Variants in HEATR3 observed in about 807,000 individuals in gnomAD.
HEATR3 encodes the protein HEAT repeat-containing protein 3.
HEATR3 carries 56 observed loss-of-function variants against 72.8 expected under a neutral mutation model. The observed-to-expected ratio is 0.77, with a 90% CI of 0.62 to 0.96. The LOEUF (loss-of-function observed/expected upper bound fraction) is 0.96, where lower values mean the gene tolerates loss of function less well. HEATR3 is among the 40% of genes least tolerant of loss of function. HEATR3 has a pLI of 0.00. For synonymous variants in HEATR3, 331 were observed against 318.1 expected (o/e 1.04, Z -0.43); for missense variants, 747 against 831.4 (o/e 0.90, Z 1.25).
rs1162679409 is a variant in HEATR3, at chr16:50,106,260, G to A, written c.*1199G>A. On this transcript the variant is annotated 3_prime_UTR_variant, in exon 15 of 15. Coordinates refer to ENST00000299192, the MANE Select transcript of HEATR3 (RefSeq NM_182922.4). Reference sequence around the variant, plus strand: ...ACTAGATTATACTAATGAGCTAATGGGGTCATTGCCATCCTCCCTACTCAT... The same window carrying A: ...ACTAGATTATACTAATGAGCTAATGAGGTCATTGCCATCCTCCCTACTCAT... 2.0e-5 allele frequency: 3 copies of A among 152,004 alleles called. No homozygotes were observed. The highest frequency in any genetic ancestry group is 4.4e-5 in the Non-Finnish European group (3 of 68,026). 9.4% of individuals were successfully genotyped at this position (152,004 alleles called of 1,614,324 possible).
At chr16:50,104,812 T>C in intron 14 of HEATR3, 127 bp from the exon 15 acceptor site, 1 of 783,640 alleles carries the variant, frequency 1.3e-6, no homozygotes, top group East Asian at 3.1e-5. Context: ...AGTAAAAACA[T>C]TTTTTCCAAA....
Position 50,066,091 on chromosome 16 carries a change from C to T in HEATR3, c.-41C>T, listed in dbSNP as rs1300487844. 5 of 1,555,662 alleles carry T rather than the reference C, an allele frequency of 3.2e-6. No homozygotes were observed. Among genetic ancestry groups the T allele is most frequent in the East Asian group, 2.4e-5 (1 of 42,242 alleles). ...CGGCAGCCTCCACCGCCTGCTGTTG[C>T]CCTCCTCTCTCGGTGGTCTGTCCGC... On this transcript the variant is annotated 5_prime_UTR_variant, in exon 1 of 15. Coordinates refer to ENST00000299192, the MANE Select transcript of HEATR3 (RefSeq NM_182922.4).
rs2036492688 is a variant in HEATR3 at position 50,066,353 on chromosome 16, GCT to G, written c.139-10_139-9del. 1.3e-6 allele frequency: 2 copies of G among 1,554,462 alleles called. No homozygotes were observed. Among genetic ancestry groups the G allele is most frequent in the Non-Finnish European group, 1.7e-6 (2 of 1,160,750 alleles). Reference sequence around the variant, plus strand: ...CATTGCGCGCCTTCTGACCCTTTTCGCTCTCATCCGCAGCTCCAGCACCCGAG... The same window carrying G: ...CATTGCGCGCCTTCTGACCCTTTTCGCTCATCCGCAGCTCCAGCACCCGAG... On this transcript the variant is annotated splice_polypyrimidine_tract_variant and intron_variant, in intron 1 of 14. Transcript: ENST00000299192.
At chr16:50,076,540 C>T (rs1410027314) in intron 6 of HEATR3, among the ~76,000 whole-genome samples, 4 of 151,472 alleles carry the variant, frequency 2.6e-5, no homozygotes, top group South Asian at 2.1e-4. Flanking sequence ...CCGTCTTAAT[C>T]GTTTTGGGTT....
Position 50,066,416 on chromosome 16 carries a change from C to G in HEATR3, c.188C>G (p.Ala63Gly). Residue 63 changes from alanine (A) to glycine (G), a missense_variant, in exon 2 of 15, where the codon GCC becomes GGC. Ala to Gly is a moderately conservative substitution (Grantham distance 60). This residue lies in a region of HEATR3 where 161 missense variants were observed against 122.6 expected (regional missense o/e 1.31). Transcript: ENST00000299192. ...CGCGAGTGCGCCTGCGCAGGGCTGGCCCGGCTGGTGCAGCAGCGGCCGGCA... is the reference window on the plus strand; with the variant it reads ...CGCGAGTGCGCCTGCGCAGGGCTGGGCCGGCTGGTGCAGCAGCGGCCGGCA... ...EVRECACAGL[A>G]RLVQQRPALP... 6.6e-7 allele frequency: 1 copy of G among 1,519,298 alleles called. No individual in the cohort carries two copies. 94.1% of individuals were successfully genotyped at this position (1,519,298 alleles called of 1,614,324 possible). A position where few individuals can be genotyped will look rare whatever the true frequency, so the allele number is the denominator to read the frequency against.
intron 4 of HEATR3, among the ~76,000 whole-genome samples, chr16:50,071,276 T>C (rs1209818062): frequency 6.6e-6 from 1 of 152,222 alleles, no homozygotes; most frequent in African/African-American, 2.4e-5. Context: ...AAAGCACAGA[T>C]GTTTCTTAGA....
At chr16:50,090,365 AAAAG>A (rs762784254) in intron 11 of HEATR3, among the ~76,000 whole-genome samples, 1 of 152,182 alleles carries the variant, frequency 6.6e-6, no homozygotes, top group South Asian at 2.1e-4. Context: ...AATTAAAAAA[AAAAG>A]AGAATTTAGT....
intron 6 of HEATR3, among the ~76,000 whole-genome samples, chr16:50,078,167 C>T (rs1043518180): frequency 5.9e-5 from 9 of 151,998 alleles, no homozygotes; most frequent in African/African-American, 2.2e-4. Context: ...TGAGACACTG[C>T]ACCTGGCAAA....
intron 7 of HEATR3, among the ~76,000 whole-genome samples, chr16:50,083,683 A>G (rs1444930672): frequency 6.6e-6 from 1 of 152,178 alleles, no homozygotes; most frequent in African/African-American, 2.4e-5. Flanking sequence ...CCAGCTAACT[A>G]AGTGACGCTT....
chr16:50,084,223 C>T lies in HEATR3; in HGVS notation c.1222C>T (p.Leu408=). 2 of 1,614,148 alleles carry T rather than the reference C, an allele frequency of 1.2e-6. No individual in the cohort carries two copies. The highest frequency in any genetic ancestry group is 1.7e-6 in the Non-Finnish European group (2 of 1,179,994). ...ENSFSECGGQ[L]FSPLCLSHEV... ...TTCCTTCAGTGAGTGCGGGGGACAG[C>T]TGTTTTCTCCCCTCTGCCTCTCCCA... The change falls in exon 9 of 15, where the codon CTG becomes TTG. Residue 408 remains leucine, a synonymous_variant. Transcript: ENST00000299192.
At chr16:50,104,688 T>C (rs2037442162) in intron 14 of HEATR3, among the ~76,000 whole-genome samples, 1 of 152,228 alleles carries the variant, frequency 6.6e-6, no homozygotes, top group Admixed American at 6.5e-5. Context: ...ATAATTCCTT[T>C]CTATAGTTTA....
chr16:50,084,533 C>A, intron 9 of HEATR3, 36 bp from the exon 10 acceptor site: 1 of 1,435,032 alleles, frequency 7.0e-7, no homozygotes. Context: ...AATGACTACT[C>A]TTTAACCTTT....
At chr16:50,087,150 A>G (rs1034146043) in intron 11 of HEATR3, among the ~76,000 whole-genome samples, 10 of 152,060 alleles carry the variant, frequency 6.6e-5, no homozygotes, top group African/African-American at 2.4e-4. Context: ...TTCTCCATGT[A>G]TAAGAGAGCG....
Position 50,102,301 on chromosome 16 carries a change from TC to T in HEATR3, c.1789del (p.Val598TrpfsTer2). On this transcript the variant is annotated frameshift_variant, in exon 14 of 15. Coordinates refer to ENST00000299192, the MANE Select transcript of HEATR3 (RefSeq NM_182922.4). LOFTEE classifies it high-confidence loss of function. Reference sequence around the variant, plus strand: ...GCTTGAAGTTACCACCAAAGATCCTTCCCTTGTGGTAGCAGGAGAAGCTTTG... The same window carrying T: ...GCTTGAAGTTACCACCAAAGATCCTTCCTTGTGGTAGCAGGAGAAGCTTTG... ...FLLEVTTKDP[S>X]LVVAGEALDA... 6.2e-7 allele frequency: 1 copy of T among 1,614,078 alleles called. No individual in the cohort carries two copies. Among genetic ancestry groups the T allele is most frequent in the Non-Finnish European group, 8.5e-7 (1 of 1,179,996 alleles).
rs375024716 is a variant in HEATR3, at chr16:50,075,603, C to A, written c.655C>A (p.Pro219Thr). Reference sequence around the variant, plus strand: ...TTTGCAGACAGTGACTGAGGATAACCCAGAGCTGCTGAAGTCTTTCAGTGC... The same window carrying A: ...TTTGCAGACAGTGACTGAGGATAACACAGAGCTGCTGAAGTCTTTCAGTGC... ...YCLQTVTEDNPELLKSFSATA... is the reference protein window; with the variant it reads ...YCLQTVTEDNTELLKSFSATA... The change falls in exon 6 of 15, where the codon CCA becomes ACA. Residue 219 changes from proline to threonine, a missense_variant. Pro to Thr is a conservative substitution (Grantham distance 38, BLOSUM62 -1). Around this residue, in one of 2 missense-constraint regions of HEATR3, gnomAD observed 586 missense variants for 708.8 expected, o/e 0.83. Transcript: ENST00000299192. 2.9e-5 allele frequency: 47 copies of A among 1,613,538 alleles called. No homozygotes were observed. Among genetic ancestry groups the A allele is most frequent in the Non-Finnish European group, 3.9e-5 (46 of 1,179,642 alleles).
At chr16:50,092,929 G>A (rs189476098) in intron 11 of HEATR3, among the ~76,000 whole-genome samples, 89 of 152,286 alleles carry the variant, frequency 5.8e-4, no homozygotes, top group African/African-American at 1.7e-3. Flanking sequence ...GATATGAGGC[G>A]TTACACTAGG....
Position 50,068,789 on chromosome 16 carries a change from T to G in HEATR3, c.321T>G (p.Ser107Arg). ...TAAACTTCTTGTGTAGAAATCTCAGTGCTTGTGGAGGTTTTGAAGTTTGTG... is the reference window on the plus strand; with the variant it reads ...TAAACTTCTTGTGTAGAAATCTCAGGGCTTGTGGAGGTTTTGAAGTTTGTG... Reference protein sequence around the residue: ...ETAAGALRNLSACGGFEVCDD... With the variant: ...ETAAGALRNLRACGGFEVCDD... The change falls in exon 3 of 15, where the codon AGT becomes AGG. Residue 107 changes from serine to arginine, a missense_variant. By Grantham distance (110) the Ser-to-Arg change is moderately radical. Around this residue, in one of 2 missense-constraint regions of HEATR3, gnomAD observed 586 missense variants for 708.8 expected, o/e 0.83. Coordinates refer to ENST00000299192, the MANE Select transcript of HEATR3 (RefSeq NM_182922.4). 6.2e-7 allele frequency: 1 copy of G among 1,613,218 alleles called. No homozygotes were observed. The highest frequency in any genetic ancestry group is 8.5e-7 in the Non-Finnish European group (1 of 1,179,350).
chr16:50,068,546 T>C (rs1387351459), intron 2 of HEATR3, among the ~76,000 whole-genome samples: 1 of 152,240 alleles, frequency 6.6e-6, no homozygotes. Flanking sequence ...TGCACCTGTA[T>C]ACTGTTTCAG....
intron 14 of HEATR3, 63 bp downstream of exon 14, chr16:50,102,498 G>A (rs1018182343): frequency 6.8e-7 from 1 of 1,466,648 alleles, no homozygotes; most frequent in Non-Finnish European, 9.4e-7. Flanking sequence ...AAGGGTGTGT[G>A]TAGTTACCGC....
Sources: gnomAD v4.1 joint callset for allele counts (sites outside exome capture counted in the v4.1 genomes callset) on GRCh38, gnomAD v4.1.1 for gene constraint, gnomAD v4.1.1 regional missense constraint, MANE v1.5 for transcripts, NCBI Gene and HGNC (gene_info 2026-07-23, HGNC 2026-07-21) for gene names.